Variants in NCAPG observed in about 807,000 individuals in gnomAD.
The protein encoded by NCAPG is non-SMC condensin I complex subunit G, also known as condensin complex subunit 3.
A neutral mutation model predicts 113.1 loss-of-function variants in NCAPG; 69 were observed. The ratio of observed to expected loss-of-function variants is 0.61; its 90% CI spans 0.50 to 0.75. The LOEUF (loss-of-function observed/expected upper bound fraction) is 0.75, where lower values mean the gene tolerates loss of function less well. Ranked by LOEUF, NCAPG falls within the 30% of genes least tolerant of loss-of-function variation. The pLI is 0.00. For synonymous variants in NCAPG, 370 were observed against 415.8 expected, an observed-to-expected ratio of 0.89 and a Z score of 1.34; for missense variants, 1,058 against 1,177.0, an observed-to-expected ratio of 0.90 and a Z score of 1.48.
Position 17,825,003 on chromosome 4 carries a change from T to C in NCAPG, c.1419T>C (p.Ile473=), listed in dbSNP as rs1386712886. ...TTATCTCAGAGATTCGGGCGCCCAT[T>C]GTTACTGTTGGTGTTAATAACGATC... The part of the protein sequence containing the change: ...TEIISEIRAP[I]VTVGVNNDPA... Residue 473 remains isoleucine (I), a synonymous_variant, in exon 10 of 21, where the codon ATT becomes ATC. Transcript: ENST00000251496. 1.2e-6 allele frequency: 2 copies of C among 1,612,854 alleles called. No individual in the cohort carries two copies. The highest frequency in any genetic ancestry group is 1.7e-6 in the Non-Finnish European group (2 of 1,179,344).
chr4:17,822,893 A>T (rs996555046), intron 7 of NCAPG, 90 bp from the exon 8 acceptor site: 1 of 1,037,564 alleles, frequency 9.6e-7, no homozygotes, highest in African/African-American at 1.7e-5. Context: ...ATATGACCTG[A>T]AAATGGCCCT....
rs551038075 is a variant in NCAPG, at chr4:17,812,853, A to G, written c.316-64A>G. Reference sequence around the variant, plus strand: ...TGCATTCCGAATGTATAGAGTTCAGATAATATTGATTATTTGGGAGTGGTA... The same window carrying G: ...TGCATTCCGAATGTATAGAGTTCAGGTAATATTGATTATTTGGGAGTGGTA... On this transcript the variant is annotated intron_variant, in intron 2 of 20. Transcript: ENST00000251496. The G allele has an allele frequency of 3.5e-5, 47 of 1,341,980 alleles. No individual in the cohort carries two copies. The African/African-American group carries it at 6.5e-4, about 19-fold the overall frequency. The allele number at this position is 1,341,980 out of a possible 1,614,324, so 83.1% of individuals were successfully genotyped here.
intron 14 of NCAPG, among the ~76,000 whole-genome samples, chr4:17,835,947 ATTTG>A (rs1722076977): frequency 1.3e-5 from 2 of 152,128 alleles, no homozygotes. Flanking sequence ...ATGTATATGT[ATTTG>A]TTTGAGTAGC....
At chr4:17,842,470 A>G (rs1447848592) in intron 20 of NCAPG, 91 bp downstream of exon 20, 2 of 982,998 alleles carry the variant, frequency 2.0e-6, no homozygotes, top group African/African-American at 3.3e-5. Context: ...CGAATGAGAG[A>G]GAATATATAA....
rs1722316343 is a variant in NCAPG at position 17,840,588 on chromosome 4, G to T, written c.2768-19G>T. The T allele has an allele frequency of 3.0e-6, 4 of 1,319,258 alleles. No homozygotes were observed. Among genetic ancestry groups the T allele is most frequent in the South Asian group, 1.7e-5 (1 of 58,504 alleles). The allele number at this position is 1,319,258 out of a possible 1,614,324, so 81.7% of individuals were successfully genotyped here. The stretch of plus-strand genomic sequence containing the variant: ...ATGAGGTTATCTTATTTATATTGTT[G>T]TATTATTCCCTTTAATAGAAAAGAA... On this transcript the variant is annotated intron_variant, in intron 18 of 20. Coordinates refer to ENST00000251496, the MANE Select transcript of NCAPG (RefSeq NM_022346.5).
At chr4:17,824,821 G>A in intron 9 of NCAPG, 147 bp from the exon 10 acceptor site, 2 of 496,030 alleles carry the variant, frequency 4.0e-6, no homozygotes, top group Non-Finnish European at 7.1e-6. Flanking sequence ...AAATTGTCTA[G>A]CAAACAGAAT....
In NCAPG at chr4:17,825,572, C is replaced by G; in HGVS notation, c.1653+11C>G. 6.4e-7 allele frequency: 1 copy of G among 1,571,814 alleles called. No homozygotes were observed. The highest frequency in any genetic ancestry group is 8.6e-7 in the Non-Finnish European group (1 of 1,167,172). Reference sequence around the variant, plus strand: ...GTCCACATAGAGAAGGTACAGGTAACTTTTTTCATACTAAATCTCAGGTGT... The same window carrying G: ...GTCCACATAGAGAAGGTACAGGTAAGTTTTTTCATACTAAATCTCAGGTGT... On this transcript the variant is annotated intron_variant, in intron 11 of 20. Coordinates refer to ENST00000251496, the MANE Select transcript of NCAPG (RefSeq NM_022346.5).
intron 17 of NCAPG, 87 bp from the exon 18 acceptor site, chr4:17,839,984 T>A (rs1301282667): frequency 6.7e-7 from 1 of 1,492,096 alleles, no homozygotes; most frequent in Non-Finnish European, 9.0e-7. Flanking sequence ...ATTTAGTGTT[T>A]TTAAACAACT....
rs1453431404 is a variant in NCAPG at position 17,817,419 on chromosome 4, G to A, written c.934G>A (p.Glu312Lys). 6.2e-7 allele frequency: 1 copy of A among 1,614,074 alleles called. No homozygotes were observed. Among genetic ancestry groups the A allele is most frequent in the Non-Finnish European group, 8.5e-7 (1 of 1,179,988 alleles). ...CTTGTTTTCAATAACTCCTCTCAGT[G>A]AACTGGTGGGACTCTGTAAAAACAA... ...NALFSITPLS[E>K]LVGLCKNNDG... is the part of the protein sequence containing the mutation. Residue 312 changes from glutamate to lysine, a missense_variant, in exon 6 of 21, where the codon GAA becomes AAA. Glu to Lys is a moderately conservative substitution (Grantham distance 56, BLOSUM62 1). Coordinates refer to ENST00000251496, the MANE Select transcript of NCAPG (RefSeq NM_022346.5).
At chr4:17,823,194 CA>C in intron 8 of NCAPG, 71 bp downstream of exon 8, 3 of 1,401,196 alleles carry the variant, frequency 2.1e-6, no homozygotes, top group Non-Finnish European at 2.9e-6. Context: ...AGTCCTTTTA[CA>C]ATATAACTAA....
chr4:17,843,492 A>C lies in NCAPG; in HGVS notation c.*67A>C. On this transcript the variant is annotated 3_prime_UTR_variant, in exon 21 of 21. Transcript: ENST00000251496. Reference sequence around the variant, plus strand: ...TATTTGCTTTAATAAAGAAGAAGTTACCCTTGTCAAAATCAGAACAAACCT... The same window carrying C: ...TATTTGCTTTAATAAAGAAGAAGTTCCCCTTGTCAAAATCAGAACAAACCT... 1 of 1,549,302 alleles carries C rather than the reference A, an allele frequency of 6.5e-7. No individual in the cohort carries two copies. Among genetic ancestry groups the C allele is most frequent in the Non-Finnish European group, 8.8e-7 (1 of 1,137,106 alleles).
chr4:17,817,165 T>A, intron 5 of NCAPG, 96 bp from the exon 6 acceptor site: 5 of 838,242 alleles, frequency 6.0e-6, no homozygotes, highest in Non-Finnish European at 9.5e-6. Flanking sequence ...ACTATTTCTA[T>A]TGTAAATACT....
chr4:17,832,913 G>A (rs1438451047), intron 13 of NCAPG, among the ~76,000 whole-genome samples: 1 of 152,072 alleles, frequency 6.6e-6, no homozygotes, highest in East Asian at 1.9e-4. Context: ...GACCATTCTG[G>A]ATTTATAATG....
intron 14 of NCAPG, among the ~76,000 whole-genome samples, chr4:17,835,062 G>A (rs1722039464): frequency 6.6e-6 from 1 of 151,948 alleles, no homozygotes; most frequent in South Asian, 2.1e-4. Context: ...ATATTGGGTG[G>A]GTAGAAGATG....
At chr4:17,817,884 A>C in intron 6 of NCAPG, 55 bp from the exon 7 acceptor site, 3 of 1,516,706 alleles carry the variant, frequency 2.0e-6, no homozygotes, top group Non-Finnish European at 2.7e-6. Flanking sequence ...GTACTCTTCA[A>C]TTCTTAATGA....
chr4:17,842,457 T>G, intron 20 of NCAPG, 78 bp downstream of exon 20: 3 of 1,162,446 alleles, frequency 2.6e-6, no homozygotes, highest in Non-Finnish European at 3.8e-6. Flanking sequence ...ACTAATTTTC[T>G]TGCGAATGAG....
Position 17,811,402 on chromosome 4 carries a change from C to T in NCAPG, c.111+214C>T, listed in dbSNP as rs2109039171. On this transcript the variant is annotated intron_variant, in intron 1 of 20. Coordinates refer to ENST00000251496, the MANE Select transcript of NCAPG (RefSeq NM_022346.5). The surrounding 1 kb of genome is among the most constrained non-coding windows in gnomAD (Gnocchi z 5.3). Reference sequence around the variant, plus strand: ...AAGCCTCCGAAGCCTGGGCGTCGTTCACACGGGCCCCGCCTTGGCTTTTCT... The same window carrying T: ...AAGCCTCCGAAGCCTGGGCGTCGTTTACACGGGCCCCGCCTTGGCTTTTCT... 6.6e-6 allele frequency among the ~76,000 whole-genome samples: 1 copy of T among 152,356 alleles called. No homozygotes were observed. The highest frequency in any genetic ancestry group is 1.9e-4 in the East Asian group (1 of 5,178).
intron 16 of NCAPG, among the ~76,000 whole-genome samples, chr4:17,839,447 C>T (rs1178364464): frequency 2.0e-5 from 3 of 152,116 alleles, no homozygotes; most frequent in Non-Finnish European, 4.4e-5. Context: ...GGGATGAGTG[C>T]ATCTTTCCTA....
intron 19 of NCAPG, among the ~76,000 whole-genome samples, chr4:17,840,990 AT>A (rs1371086403): frequency 6.6e-6 from 1 of 151,988 alleles, no homozygotes; most frequent in Non-Finnish European, 1.5e-5. Context: ...ATGGTTTTAT[AT>A]TAGTTATTTG....
Sources: gnomAD v4.1 joint callset for allele counts (sites outside exome capture counted in the v4.1 genomes callset) on GRCh38, gnomAD v4.1.1 for gene constraint, Gnocchi (gnomAD v3.1) non-coding constraint, MANE v1.5 for transcripts, NCBI Gene and HGNC (gene_info 2026-07-23, HGNC 2026-07-21) for gene names.